ZNF385D: variants seen among roughly 807,000 people sequenced by gnomAD.
ZNF385D encodes zinc finger protein 385D.
A neutral mutation model predicts 35.8 loss-of-function variants in ZNF385D; 15 were observed. The observed-to-expected ratio is 0.42, with a 90% CI of 0.28 to 0.64. The LOEUF (loss-of-function observed/expected upper bound fraction) is 0.64. ZNF385D is among the 30% of genes least tolerant of loss of function. The pLI is 0.23. For synonymous variants in ZNF385D, 212 were observed against 186.8 expected, an observed-to-expected ratio of 1.13 and a Z score of -1.10; for missense variants, 474 against 494.6, an observed-to-expected ratio of 0.96 and a Z score of 0.39.
At chr3:21,677,800 T>C (rs950124577) in intron 1 of ZNF385D, among the ~76,000 whole-genome samples, 2 of 151,990 alleles carry the variant, frequency 1.3e-5, no homozygotes, top group Non-Finnish European at 2.9e-5. Flanking sequence ...TGTTAGTCCT[T>C]AATAATTTAG....
At chr3:22,077,785 G>A (rs1327870483) in intron 3 of ZNF385D, among the ~76,000 whole-genome samples, 2 of 151,948 alleles carry the variant, frequency 1.3e-5, no homozygotes, top group Non-Finnish European at 2.9e-5. Context: ...AGAAATGGGA[G>A]AAACAGAATG....
chr3:21,799,028 A>G (rs1406963966), intron 3 of ZNF385D, among the ~76,000 whole-genome samples: 1 of 152,142 alleles, frequency 6.6e-6, no homozygotes, highest in Non-Finnish European at 1.5e-5. Flanking sequence ...CCTATCCTGA[A>G]TATTCCATAT....
intron 2 of ZNF385D, among the ~76,000 whole-genome samples, chr3:22,169,663 G>C (rs777584209): frequency 6.6e-6 from 1 of 152,014 alleles, no homozygotes; most frequent in Non-Finnish European, 1.5e-5. Flanking sequence ...CTTATAATCA[G>C]GGTACAAAAA....
At chr3:21,631,150 C>A (rs979637287) in intron 2 of ZNF385D, among the ~76,000 whole-genome samples, 27 of 152,120 alleles carry the variant, frequency 1.8e-4, no homozygotes, top group East Asian at 1.4e-3. Flanking sequence ...CATGAAAACA[C>A]TGAATAGAAA....
intron 5 of ZNF385D, among the ~76,000 whole-genome samples, chr3:21,427,229 A>C (rs1000135424): frequency 6.6e-6 from 1 of 152,356 alleles, no homozygotes; most frequent in African/African-American, 2.4e-5. Flanking sequence ...AAGAAACAAA[A>C]TATGTAAATG....
intron 3 of ZNF385D, among the ~76,000 whole-genome samples, chr3:21,951,852 G>T (rs1442136661): frequency 6.6e-6 from 1 of 151,498 alleles, no homozygotes; most frequent in African/African-American, 2.4e-5. Flanking sequence ...TTAGCCCCTG[G>T]AAAAAGAATA....
chr3:21,762,535 G>C (rs931680256), intron 3 of ZNF385D, among the ~76,000 whole-genome samples: 5 of 152,052 alleles, frequency 3.3e-5, no homozygotes, highest in African/African-American at 9.7e-5. Context: ...GATCTTACTA[G>C]TTCTCTTTTC....
At chr3:22,202,562 C>T (rs747800997) in intron 2 of ZNF385D, among the ~76,000 whole-genome samples, 2 of 151,984 alleles carry the variant, frequency 1.3e-5, no homozygotes, top group African/African-American at 4.8e-5. Flanking sequence ...ACTTTCTGTA[C>T]CAAAAAGCAC....
intron 3 of ZNF385D, among the ~76,000 whole-genome samples, chr3:22,063,967 G>C (rs867700558): frequency 2.0e-5 from 3 of 152,168 alleles, no homozygotes; most frequent in African/African-American, 7.2e-5. Context: ...AATCCTGAGA[G>C]CATGCCCCAA....
intron 4 of ZNF385D, among the ~76,000 whole-genome samples, chr3:21,508,043 T>C (rs1706914207): frequency 6.6e-6 from 1 of 152,162 alleles, no homozygotes; most frequent in African/African-American, 2.4e-5. Context: ...TTTCCTGATA[T>C]AGGTCCTCAT....
At chr3:21,729,152 G>C (rs2068889078) in intron 1 of ZNF385D, among the ~76,000 whole-genome samples, 2 of 152,128 alleles carry the variant, frequency 1.3e-5, no homozygotes, top group African/African-American at 4.8e-5. Context: ...GGAAGGGTGA[G>C]CAAGAGGTCT....
intron 2 of ZNF385D, among the ~76,000 whole-genome samples, chr3:21,574,977 A>G (rs1195248839): frequency 2.0e-5 from 3 of 152,136 alleles, no homozygotes; most frequent in African/African-American, 7.2e-5. Flanking sequence ...ACTATAGCTA[A>G]ATACACAATG....
chr3:22,325,604 T>A (rs1172984240), intron 2 of ZNF385D, among the ~76,000 whole-genome samples: 1 of 151,922 alleles, frequency 6.6e-6, no homozygotes, highest in Non-Finnish European at 1.5e-5. Flanking sequence ...ACTAAAATTA[T>A]AAAACTCAGC....
rs142069427 is a variant in ZNF385D, at chr3:22,177,439, T to C, written c.107-8404A>G. Among the ~76,000 whole-genome samples the C allele has an allele frequency of 4.9e-3, 752 of 152,274 alleles. 4 individuals carry two copies. Among genetic ancestry groups the C allele is most frequent in the African/African-American group, 0.017 (716 of 41,560 alleles). On this transcript the variant is annotated intron_variant, in intron 2 of 5. Coordinates refer to the ZNF385D transcript ENST00000494108. Reference sequence around the variant, plus strand: ...AGGCACCCTACAAGTTATTAAAAAGTCATATGACAAATATATGTTAAGTAC... The same window carrying C: ...AGGCACCCTACAAGTTATTAAAAAGCCATATGACAAATATATGTTAAGTAC...
chr3:21,729,569 G>T (rs1360894316), intron 1 of ZNF385D, among the ~76,000 whole-genome samples: 1 of 152,116 alleles, frequency 6.6e-6, no homozygotes, highest in Non-Finnish European at 1.5e-5. Context: ...GATAAGGTTT[G>T]GGCTCACCCA....
chr3:22,359,071 A>T (rs1696289242), intron 2 of ZNF385D, among the ~76,000 whole-genome samples: 1 of 143,002 alleles, frequency 7.0e-6, no homozygotes, highest in Admixed American at 6.9e-5. Context: ...CAAACAAAAA[A>T]ACCAAAAAAA....
intron 3 of ZNF385D, among the ~76,000 whole-genome samples, chr3:21,851,274 A>G (rs796311260): frequency 6.3e-4 from 96 of 152,176 alleles, no homozygotes; most frequent in African/African-American, 2.2e-3. Context: ...GAAAGCAACT[A>G]CAGGCATACC....
chr3:21,982,030 C>T (rs1363234199), intron 3 of ZNF385D, among the ~76,000 whole-genome samples: 3 of 148,200 alleles, frequency 2.0e-5, no homozygotes, highest in Non-Finnish European at 4.5e-5. Context: ...TGCTTAGGAT[C>T]GCCTTGGCTA....
rs528641928 is a variant in ZNF385D, at chr3:22,298,899, GTATTA to G, written c.106+73546_106+73550del. Among the ~76,000 whole-genome samples, 551 of 151,848 alleles carry G rather than the reference GTATTA, an allele frequency of 3.6e-3. 3 individuals are homozygous for G. The highest frequency in any genetic ancestry group is 6.1e-3 in the Non-Finnish European group (415 of 67,842). Reference sequence around the variant, plus strand: ...TCACCAAATTCATATAATGATGACTGTATTATATTACACAGTTCTTAAAAAAGAAT... The same window carrying G: ...TCACCAAATTCATATAATGATGACTGTATTACACAGTTCTTAAAAAAGAAT... On this transcript the variant is annotated intron_variant, in intron 2 of 5. Transcript: ENST00000494108.
Sources: gnomAD v4.1 joint callset for allele counts (sites outside exome capture counted in the v4.1 genomes callset) on GRCh38, gnomAD v4.1.1 for gene constraint, MANE v1.5 for transcripts, NCBI Gene and HGNC (gene_info 2026-07-23, HGNC 2026-07-21) for gene names.